The following AIFM3 variants were observed in gnomAD, a reference collection of about 807,000 sequenced individuals.
AIFM3 encodes apoptosis-inducing factor 3.
In AIFM3, 71 loss-of-function variants were observed where a neutral mutation model predicts 82.7. That is an observed-to-expected ratio of 0.86 (90% confidence interval 0.71 to 1.05). The LOEUF (loss-of-function observed/expected upper bound fraction) is 1.05. Ranked by LOEUF, AIFM3 falls within the 50% of genes least tolerant of loss-of-function variation. The probability of loss-of-function intolerance (pLI) is 0.00; values close to 1 mark genes in which losing one functional copy is unlikely to be tolerated. For missense variants in AIFM3, 748 were observed against 816.7 expected (o/e 0.92, Z 1.03); for synonymous variants, 337 against 329.1 (o/e 1.02, Z -0.26).
intron 17 of AIFM3, 82 bp downstream of exon 17, chr22:20,979,451 G>A (rs1398649480): frequency 6.7e-7 from 1 of 1,483,990 alleles, no homozygotes; most frequent in African/African-American, 1.4e-5. Flanking sequence ...TGGGAGCCTA[G>A]GGGCAGGGCT....
In AIFM3 at chr22:20,976,397, C is replaced by T; in HGVS notation, c.900-11C>T. On this transcript the variant is annotated splice_polypyrimidine_tract_variant and intron_variant, in intron 10 of 20. Coordinates refer to ENST00000440238, the MANE Select transcript of AIFM3 (RefSeq NM_001386814.1). ...TGCCAGGAGGCCCTCACTGACACGGCCATGTCTCAGCCCCAAGACTCTGAG... is the reference window on the plus strand; with the variant it reads ...TGCCAGGAGGCCCTCACTGACACGGTCATGTCTCAGCCCCAAGACTCTGAG... 2 of 1,613,840 alleles carry T rather than the reference C, an allele frequency of 1.2e-6. No individual in the cohort carries two copies. The highest frequency in any genetic ancestry group is 1.7e-6 in the Non-Finnish European group (2 of 1,179,986).
chr22:20,976,041 TGA>T (rs1333303546), intron 9 of AIFM3, among the ~76,000 whole-genome samples, 172 bp from the exon 10 acceptor site: 1 of 152,098 alleles, frequency 6.6e-6, no homozygotes, highest in Non-Finnish European at 1.5e-5. Flanking sequence ...AGGAGAGGTT[TGA>T]GGGGAAGGTG....
intron 19 of AIFM3, chr22:20,980,481 C>G (rs959674189): frequency 6.7e-6 from 4 of 599,674 alleles, no homozygotes; most frequent in Non-Finnish European, 1.2e-5. Context: ...CTACTGATGC[C>G]CTGGGTATGC....
At chr22:20,978,109 TAGGCA>T in intron 16 of AIFM3, 104 bp downstream of exon 16, 1 of 958,288 alleles carries the variant, frequency 1.0e-6, no homozygotes, top group Non-Finnish European at 1.6e-6. Context: ...TGGACACTGT[TAGGCA>T]TCAAAGCTCT....
At position 20,981,010 on chromosome 22, in the gene AIFM3, G is replaced by A. The variant is rs1468432256; in HGVS notation, c.1797G>A (p.Trp599Ter). The change falls in exon 21 of 21, where the codon TGG becomes TGA. Residue 599 changes from tryptophan to a stop codon, truncating the protein, a stop_gained. Coordinates refer to ENST00000440238, the MANE Select transcript of AIFM3 (RefSeq NM_001386814.1). LOFTEE classifies it high-confidence loss of function. ...CCTGCAGGACTGGCGACATGTCCTG[G>A]CTTACGGGGAAAGGATCCTGAGCTC... Reference protein sequence around the residue: ...VLHSKTGDMSWLTGKGS With the variant: ...VLHSKTGDMS The A allele has an allele frequency of 1.2e-6, 2 of 1,614,184 alleles. No individual in the cohort carries two copies. Among genetic ancestry groups the A allele is most frequent in the Non-Finnish European group, 1.7e-6 (2 of 1,180,026 alleles).
chr22:20,967,612 G>A lies in AIFM3; in HGVS notation c.-140-193G>A, dbSNP rs530377661. On this transcript the variant is annotated intron_variant, in intron 1 of 20. Transcript: ENST00000440238. The stretch of plus-strand genomic sequence containing the variant: ...CGGGCAGAGGAACTCCACTGGAGGA[G>A]TGAGGGAGCTGAGCTTGGAGGGCTT... 15 of 414,600 alleles carry A rather than the reference G, an allele frequency of 3.6e-5. No individual in the cohort carries two copies. The South Asian group carries it at 4.7e-4, about 13-fold the overall frequency. 25.7% of individuals were successfully genotyped at this position (414,600 alleles called of 1,614,324 possible). A position where few individuals can be genotyped will look rare whatever the true frequency, so the allele number is the denominator to read the frequency against.
At chr22:20,971,972 G>GA (rs1019374517) in intron 2 of AIFM3, among the ~76,000 whole-genome samples, 4 of 152,122 alleles carry the variant, frequency 2.6e-5, no homozygotes, top group African/African-American at 7.2e-5. Flanking sequence ...GCTGTGGGGG[G>GA]GGGGGGCTGT....
intron 14 of AIFM3, 145 bp downstream of exon 14, chr22:20,977,240 T>A: frequency 8.6e-7 from 1 of 1,157,710 alleles, no homozygotes. Flanking sequence ...GCCCCCACTT[T>A]ACGGAGCTGT....
chr22:20,977,595 A>T (rs1923771357), intron 14 of AIFM3, 105 bp from the exon 15 acceptor site: 1 of 1,414,802 alleles, frequency 7.1e-7, no homozygotes, highest in Admixed American at 1.8e-5. Flanking sequence ...CAGCCCCTGG[A>T]GGATCAGTCT....
Position 20,967,943 on chromosome 22 carries a change from C to T in AIFM3, c.-2C>T. ...CTGCCGGCCATCCTCAGGCCACTCGCCATGGGCGGCTGCTTCTCCAAACCC... is the reference window on the plus strand; with the variant it reads ...CTGCCGGCCATCCTCAGGCCACTCGTCATGGGCGGCTGCTTCTCCAAACCC... On this transcript the variant is annotated 5_prime_UTR_variant, in exon 2 of 21. Coordinates refer to ENST00000440238, the MANE Select transcript of AIFM3 (RefSeq NM_001386814.1). 6.2e-7 allele frequency: 1 copy of T among 1,614,158 alleles called. No homozygotes were observed. Among genetic ancestry groups the T allele is most frequent in the African/African-American group, 1.3e-5 (1 of 75,062 alleles).
chr22:20,979,897 G>C, intron 18 of AIFM3, 123 bp from the exon 19 acceptor site: 1 of 1,134,946 alleles, frequency 8.8e-7, no homozygotes, highest in Non-Finnish European at 1.3e-6. Context: ...TGGGTGCTCA[G>C]GCCATTCTTG....
Position 20,979,653 on chromosome 22 carries a change from A to C in AIFM3, c.1603A>C (p.Ile535Leu). The stretch of plus-strand genomic sequence containing the variant: ...CTACGGAGAAGGCTTCGACGACGTC[A>C]TCATCCAGGGGGATCTGGAGGAGCT... ...AGYGEGFDDV[I>L]IQGDLEELKF... The change falls in exon 18 of 21, where the codon ATC (isoleucine) becomes CTC (leucine). Residue 535 changes from isoleucine to leucine, a missense_variant. Coordinates refer to ENST00000440238, the MANE Select transcript of AIFM3 (RefSeq NM_001386814.1). 6.2e-7 allele frequency: 1 copy of C among 1,614,246 alleles called. No homozygotes were observed. Among genetic ancestry groups the C allele is most frequent in the Non-Finnish European group, 8.5e-7 (1 of 1,180,044 alleles).
chr22:20,974,776 T>C lies in AIFM3; in HGVS notation c.680T>C (p.Leu227Pro). 2 of 1,613,380 alleles carry C rather than the reference T, an allele frequency of 1.2e-6. No homozygotes were observed. Among genetic ancestry groups the C allele is most frequent in the Non-Finnish European group, 1.7e-6 (2 of 1,179,922 alleles). ...GFSDRIVLCT[L>P]DRHLPYDRPK... ...TCCGACCGGATCGTCCTGTGCACGC[T>C]AGACCGGCACCTTCCCTACGACCGT... Residue 227 changes from leucine to proline, a missense_variant, in exon 8 of 21, where the codon CTA becomes CCA. By Grantham distance (98) the Leu-to-Pro change is moderately conservative. Transcript: ENST00000440238.
intron 13 of AIFM3, 29 bp from the exon 14 acceptor site, chr22:20,977,003 C>A (rs1923726747): frequency 7.4e-6 from 12 of 1,614,160 alleles, no homozygotes; most frequent in Non-Finnish European, 9.3e-6. Context: ...GGAGCTGGGT[C>A]CACCTGTTTA....
Position 20,973,046 on chromosome 22 carries a change from CA to C in AIFM3, c.32-250del, listed in dbSNP as rs3045996. ...TGGGCGACAGAGTGAGACCCTGTCT[CA>C]AAAAAAAAAAGAAAAAAGAGACATG... On this transcript the variant is annotated intron_variant, in intron 2 of 20. Transcript: ENST00000440238. Among the ~76,000 whole-genome samples, 406 of 144,720 alleles carry C rather than the reference CA, an allele frequency of 2.8e-3. 1 individual carries two copies. Among genetic ancestry groups the C allele is most frequent in the African/African-American group, 9.2e-3 (363 of 39,320 alleles). 94.9% of individuals were successfully genotyped at this position (144,720 alleles called of 152,430 possible).
chr22:20,975,946 G>C (rs531743352), intron 9 of AIFM3, among the ~76,000 whole-genome samples, 168 bp downstream of exon 9: 1 of 152,252 alleles, frequency 6.6e-6, no homozygotes, highest in Non-Finnish European at 1.5e-5. Flanking sequence ...TTCCTGATGG[G>C]TCATAGGCAC....
intron 14 of AIFM3, 51 bp from the exon 15 acceptor site, chr22:20,977,649 C>T (rs1159344494): frequency 3.1e-6 from 5 of 1,608,738 alleles, no homozygotes; most frequent in Non-Finnish European, 3.4e-6. Context: ...TGGAGAGTGA[C>T]TACGCAGAAG....
chr22:20,973,541 G>A (rs769849433), intron 3 of AIFM3, 21 bp downstream of exon 3: 6 of 1,602,268 alleles, frequency 3.7e-6, no homozygotes, highest in Non-Finnish European at 5.1e-6. Context: ...GGCTTGCCTG[G>A]GAGCGGGGAT....
Position 20,968,044 on chromosome 22 carries a change from C to A in AIFM3, c.31+69C>A, listed in dbSNP as rs546346131. ...GCCTCCTCCTCCCCCGTCTCCCCCC[C>A]CTCCCCCTCTGCACTCGGTAGGCCT... On this transcript the variant is annotated intron_variant, in intron 2 of 20. Transcript: ENST00000440238. The A allele has an allele frequency of 2.8e-4, 419 of 1,490,224 alleles. 2 individuals are homozygous for A. The highest frequency in any genetic ancestry group is 2.8e-4 in the Non-Finnish European group (311 of 1,097,734). 92.3% of individuals were successfully genotyped at this position (1,490,224 alleles called of 1,614,324 possible).
Sources: gnomAD v4.1 joint callset for allele counts (sites outside exome capture counted in the v4.1 genomes callset) on GRCh38, gnomAD v4.1.1 for gene constraint, MANE v1.5 for transcripts, NCBI Gene and HGNC (gene_info 2026-07-23, HGNC 2026-07-21) for gene names.